PCDH9: variants seen among roughly 807,000 people sequenced by gnomAD.
The protein encoded by PCDH9 is protocadherin-9.
In PCDH9, 24 loss-of-function variants were observed where a neutral mutation model predicts 70.6. The observed-to-expected ratio is 0.34, with a 90% CI of 0.25 to 0.48. The LOEUF is 0.48. PCDH9 is among the 20% of genes least tolerant of loss of function. The pLI is 0.99. For synonymous variants in PCDH9, 562 were observed against 558.5 expected (o/e 1.01, Z -0.09); for missense variants, 1,281 against 1,503.6 (o/e 0.85, Z 2.45).
chr13:66,475,844 C>T (rs1250435826), intron 4 of PCDH9, among the ~76,000 whole-genome samples: 2 of 152,106 alleles, frequency 1.3e-5, no homozygotes, highest in Admixed American at 6.6e-5. Context: ...TTCACGACCA[C>T]ATTGCCTTTC....
chr13:66,780,549 T>C (rs2079981838), intron 3 of PCDH9, among the ~76,000 whole-genome samples: 1 of 152,180 alleles, frequency 6.6e-6, no homozygotes, highest in African/African-American at 2.4e-5. Context: ...TGCTCTTTCC[T>C]TGGGATATTC....
intron 2 of PCDH9, among the ~76,000 whole-genome samples, chr13:67,027,702 G>A (rs1228034162): frequency 2.0e-5 from 3 of 150,200 alleles, no homozygotes; most frequent in African/African-American, 7.3e-5. Flanking sequence ...AATCTACAAT[G>A]AACTCAAACA....
chr13:66,771,149 C>A (rs1348151877), intron 3 of PCDH9, among the ~76,000 whole-genome samples: 2 of 152,100 alleles, frequency 1.3e-5, no homozygotes, highest in African/African-American at 4.8e-5. Context: ...CAGATGCAAT[C>A]ATGATGTACT....
In PCDH9 at chr13:66,593,714, A is replaced by C. The variant is rs1466294039; in HGVS notation, c.3340+37496T>G. Reference sequence around the variant, plus strand: ...ATTCTTTTTGAAGCAGGAAGGGGAAAATCTTTGCTTTTGTTTTATTTTTAA... The same window carrying C: ...ATTCTTTTTGAAGCAGGAAGGGGAACATCTTTGCTTTTGTTTTATTTTTAA... On this transcript the variant is annotated intron_variant, in intron 4 of 4. Transcript: ENST00000377865. Among the ~76,000 whole-genome samples the C allele has an allele frequency of 6.6e-5, 10 of 151,708 alleles. 1 individual carries two copies.
intron 2 of PCDH9, among the ~76,000 whole-genome samples, chr13:67,080,176 C>T (rs1265333405): frequency 6.6e-6 from 1 of 152,140 alleles, no homozygotes; most frequent in East Asian, 1.9e-4. Context: ...CCTCTTTAAA[C>T]ATATTTTGGC....
chr13:67,020,302 A>G (rs1475312926), intron 2 of PCDH9, among the ~76,000 whole-genome samples: 1 of 152,216 alleles, frequency 6.6e-6, no homozygotes, highest in Non-Finnish European at 1.5e-5. Context: ...ACATCCAACC[A>G]TCTGTCCCCT....
At chr13:66,968,709 T>C (rs1331453206) in intron 2 of PCDH9, among the ~76,000 whole-genome samples, 1 of 152,004 alleles carries the variant, frequency 6.6e-6, no homozygotes. Flanking sequence ...TAAAAAATAG[T>C]CCAAGTACAA....
intron 2 of PCDH9, among the ~76,000 whole-genome samples, chr13:67,194,423 A>G (rs769193365): frequency 1.9e-4 from 29 of 151,896 alleles, no homozygotes; most frequent in Non-Finnish European, 3.5e-4. Context: ...AAAAAAAACT[A>G]CATTGTTATC....
intron 4 of PCDH9, among the ~76,000 whole-genome samples, chr13:66,565,937 A>G (rs2076646358): frequency 6.6e-6 from 1 of 152,196 alleles, no homozygotes; most frequent in Non-Finnish European, 1.5e-5. Flanking sequence ...ATAAAACAAG[A>G]GAAGCCTTAC....
At position 66,371,844 on chromosome 13, in the gene PCDH9, CT is replaced by C. The variant is rs1306161450; in HGVS notation, c.3341-66817del. Among the ~76,000 whole-genome samples the C allele has an allele frequency of 3.3e-5, 5 of 152,000 alleles. No homozygotes were observed. In the East Asian group the frequency reaches 9.6e-4, roughly 29 times the overall value. ...TCAGAGCTTTGTTGCAGAAGTCAAA[CT>C]TTTTGGTTTGTTTGTTTCCCTCATG... On this transcript the variant is annotated intron_variant, in intron 4 of 4. Transcript: ENST00000377865.
At chr13:66,686,562 G>A (rs2078405417) in intron 3 of PCDH9, among the ~76,000 whole-genome samples, 1 of 152,132 alleles carries the variant, frequency 6.6e-6, no homozygotes, top group South Asian at 2.1e-4. Context: ...TCTATATGCT[G>A]CAATAATATT....
chr13:66,844,430 C>G (rs1195824636), intron 3 of PCDH9, among the ~76,000 whole-genome samples: 1 of 151,752 alleles, frequency 6.6e-6, no homozygotes, highest in African/African-American at 2.4e-5. Context: ...ACTAAAAACA[C>G]AAAAAATAGC....
intron 2 of PCDH9, among the ~76,000 whole-genome samples, chr13:67,066,305 C>G (rs1407820714): frequency 6.6e-6 from 1 of 152,048 alleles, no homozygotes. Context: ...ACCATCTCGG[C>G]TCACTGCAAC....
At chr13:66,747,068 C>G (rs1314356368) in intron 3 of PCDH9, among the ~76,000 whole-genome samples, 1 of 152,142 alleles carries the variant, frequency 6.6e-6, no homozygotes, top group Non-Finnish European at 1.5e-5. Flanking sequence ...GTGACATGAC[C>G]TGGCTGGGCG....
chr13:66,821,342 T>A (rs989291137), intron 3 of PCDH9, among the ~76,000 whole-genome samples: 4 of 152,134 alleles, frequency 2.6e-5, no homozygotes, highest in African/African-American at 9.7e-5. Context: ...AGAGGAAAAT[T>A]GAATCATGGA....
At chr13:66,370,296 A>G (rs1566275290) in intron 4 of PCDH9, among the ~76,000 whole-genome samples, 1 of 151,964 alleles carries the variant, frequency 6.6e-6, no homozygotes, top group Non-Finnish European at 1.5e-5. Flanking sequence ...TAGAAGCTTA[A>G]CTTGGATAAG....
intron 3 of PCDH9, among the ~76,000 whole-genome samples, chr13:66,698,334 C>T (rs1593912445): frequency 6.6e-6 from 1 of 152,146 alleles, no homozygotes; most frequent in South Asian, 2.1e-4. Flanking sequence ...TAAATGTCCC[C>T]TGTGGTGGGT....
At chr13:66,368,960 G>T (rs1593868660) in intron 4 of PCDH9, among the ~76,000 whole-genome samples, 1 of 152,064 alleles carries the variant, frequency 6.6e-6, no homozygotes, top group East Asian at 1.9e-4. Context: ...CCCACACCGG[G>T]TTCCTCCTAC....
intron 3 of PCDH9, among the ~76,000 whole-genome samples, chr13:66,815,907 C>T (rs574601389): frequency 1.5e-3 from 231 of 152,206 alleles, no homozygotes; most frequent in Middle Eastern, 3.4e-3. Flanking sequence ...GCACCCCGAA[C>T]CTAACATGAA....
Sources: allele counts gnomAD v4.1 joint callset (sites outside exome capture counted in the v4.1 genomes callset), GRCh38; gene constraint gnomAD v4.1.1; transcripts MANE v1.5; gene names NCBI Gene and HGNC (gene_info 2026-07-23, HGNC 2026-07-21).